KCNK1: variants seen among roughly 807,000 people sequenced by gnomAD.
KCNK1 encodes the protein potassium channel subfamily K member 1.
In KCNK1, 10 loss-of-function variants were observed where a neutral mutation model predicts 22.2. That is an observed-to-expected ratio of 0.45 (90% CI 0.28 to 0.76). The LOEUF (loss-of-function observed/expected upper bound fraction) is 0.76. Among genes scored for constraint, KCNK1 ranks in the 30% least tolerant of loss-of-function variants. The pLI, the probability that KCNK1 is intolerant of heterozygous loss-of-function variation, is 0.14. For missense variants in KCNK1, 378 were observed against 421.0 expected (o/e 0.90, Z 0.89); for synonymous variants, 200 against 186.4 (o/e 1.07, Z -0.60).
intron 1 of KCNK1, among the ~76,000 whole-genome samples, chr1:233,655,045 G>A (rs1159698622): frequency 5.3e-5 from 8 of 152,164 alleles, no homozygotes; most frequent in Non-Finnish European, 1.2e-4. Flanking sequence ...AGCTCTTGGA[G>A]CCACAAGGGC....
intron 1 of KCNK1, among the ~76,000 whole-genome samples, chr1:233,638,244 T>G (rs182446641): frequency 6.6e-6 from 1 of 152,182 alleles, no homozygotes; most frequent in Admixed American, 6.5e-5. Flanking sequence ...CCCTGGACAG[T>G]GAGCCCACCT....
intron 1 of KCNK1, among the ~76,000 whole-genome samples, chr1:233,620,141 T>C (rs1009294924): frequency 6.6e-6 from 1 of 152,200 alleles, no homozygotes; most frequent in African/African-American, 2.4e-5. Flanking sequence ...ATAAACACAG[T>C]TTTATTGGTG....
At chr1:233,625,109 A>G (rs1023293874) in intron 1 of KCNK1, among the ~76,000 whole-genome samples, 1 of 152,234 alleles carries the variant, frequency 6.6e-6, no homozygotes, top group African/African-American at 2.4e-5. Flanking sequence ...CCAAAAACAC[A>G]GGGGAAACCA....
chr1:233,671,638 A>T lies in KCNK1; in HGVS notation c.*108A>T, dbSNP rs1033766436. ...GCAAAAGCGAAAATTATGTCACTTT[A>T]AGAAATAGCTACTGTTTGCAATGTC... is the stretch of plus-strand genomic sequence containing the variant. On this transcript the variant is annotated 3_prime_UTR_variant, in exon 3 of 3. Transcript: ENST00000366621. 4.7e-6 allele frequency: 6 copies of T among 1,266,030 alleles called. No individual in the cohort carries two copies. Among genetic ancestry groups the T allele is most frequent in the Non-Finnish European group, 6.6e-6 (6 of 905,222 alleles). The allele number at this position is 1,266,030 out of a possible 1,614,324, so 78.4% of individuals were successfully genotyped here.
chr1:233,647,236 G>A (rs1295316921), intron 1 of KCNK1, among the ~76,000 whole-genome samples: 9 of 152,138 alleles, frequency 5.9e-5, no homozygotes, highest in Admixed American at 5.9e-4. Context: ...TATTTTCCTG[G>A]GTATGTGTGA....
intron 1 of KCNK1, among the ~76,000 whole-genome samples, chr1:233,656,108 G>A (rs1252012750): frequency 6.6e-6 from 1 of 152,188 alleles, no homozygotes; most frequent in Non-Finnish European, 1.5e-5. Flanking sequence ...ATTCAAATGG[G>A]TTACAGGATT....
chr1:233,616,790 A>C (rs72762233), intron 1 of KCNK1, among the ~76,000 whole-genome samples: 1,537 of 152,342 alleles, frequency 0.01, 16 homozygotes, highest in Middle Eastern at 0.027. Flanking sequence ...AAAGTCTTCA[A>C]ATTATCATAG....
chr1:233,652,832 C>T (rs1000627807), intron 1 of KCNK1, among the ~76,000 whole-genome samples: 8 of 152,208 alleles, frequency 5.3e-5, no homozygotes, highest in Admixed American at 5.2e-4. Flanking sequence ...GGTGGACATG[C>T]CTTTGCAGAG....
At chr1:233,617,236 C>G (rs1657502933) in intron 1 of KCNK1, among the ~76,000 whole-genome samples, 1 of 152,160 alleles carries the variant, frequency 6.6e-6, no homozygotes, top group Non-Finnish European at 1.5e-5. Context: ...TCAGAATCTT[C>G]TCACCCCAGA....
chr1:233,628,760 A>AAAT lies in KCNK1; in HGVS notation c.355+14255_355+14257dup, dbSNP rs58722587. Among the ~76,000 whole-genome samples the AAAT allele has an allele frequency of 0.019, 2,821 of 148,752 alleles. 117 individuals carry two copies. The East Asian group carries it at 0.2, about 11-fold the overall frequency. ...GGGCAACAGAGCAAGACTCTGTCTCAAATAATAATAATAATAATAATAAAT... is the reference window on the plus strand; with the variant it reads ...GGGCAACAGAGCAAGACTCTGTCTCAAATAATAATAATAATAATAATAATAAAT... On this transcript the variant is annotated intron_variant, in intron 1 of 2. Transcript: ENST00000366621.
chr1:233,627,475 T>G (rs931560939), intron 1 of KCNK1, among the ~76,000 whole-genome samples: 1 of 142,302 alleles, frequency 7.0e-6, no homozygotes, highest in Non-Finnish European at 1.6e-5. Context: ...TCAGACTGAC[T>G]CAGAAATTCT....
At chr1:233,637,981 C>A (rs755082742) in intron 1 of KCNK1, among the ~76,000 whole-genome samples, 1 of 136,658 alleles carries the variant, frequency 7.3e-6, no homozygotes, top group Admixed American at 8.0e-5. Flanking sequence ...TTGACAATGT[C>A]GTGGGCTGTG....
intron 1 of KCNK1, among the ~76,000 whole-genome samples, chr1:233,615,014 A>G (rs1006977568): frequency 6.6e-6 from 1 of 152,188 alleles, no homozygotes; most frequent in Non-Finnish European, 1.5e-5. Context: ...GTCTGGTAAT[A>G]ATACCTTCTA....
At chr1:233,662,865 T>C (rs1658424169) in intron 1 of KCNK1, among the ~76,000 whole-genome samples, 1 of 152,184 alleles carries the variant, frequency 6.6e-6, no homozygotes, top group Admixed American at 6.5e-5. Flanking sequence ...AAAAATTATG[T>C]GATGACTGGC....
intron 1 of KCNK1, among the ~76,000 whole-genome samples, chr1:233,638,444 T>G (rs1657942844): frequency 6.6e-6 from 1 of 151,218 alleles, no homozygotes; most frequent in South Asian, 2.1e-4. Flanking sequence ...AGAATGAAAT[T>G]GTCAACTCAA....
intron 1 of KCNK1, among the ~76,000 whole-genome samples, chr1:233,625,343 T>A (rs1657670771): frequency 1.3e-5 from 2 of 152,200 alleles, no homozygotes; most frequent in Non-Finnish European, 2.9e-5. Context: ...ACAAGATGGG[T>A]CATATAATTT....
intron 1 of KCNK1, among the ~76,000 whole-genome samples, chr1:233,663,437 A>G (rs897088131): frequency 6.6e-6 from 1 of 152,250 alleles, no homozygotes; most frequent in African/African-American, 2.4e-5. Context: ...GAAAAGAGCT[A>G]TCATAATTTG....
intron 1 of KCNK1, among the ~76,000 whole-genome samples, chr1:233,628,846 G>A (rs1657740682): frequency 6.6e-6 from 1 of 152,116 alleles, no homozygotes; most frequent in Non-Finnish European, 1.5e-5. Flanking sequence ...TAGGGAAAAT[G>A]TTTATGTTCA....
chr1:233,669,890 A>T (rs1273610815), intron 2 of KCNK1, among the ~76,000 whole-genome samples: 1 of 152,204 alleles, frequency 6.6e-6, no homozygotes. Context: ...AGGAGAGCAC[A>T]CTGAATGCAC....
Sources: allele counts gnomAD v4.1 joint callset (sites outside exome capture counted in the v4.1 genomes callset), GRCh38; gene constraint gnomAD v4.1.1; transcripts MANE v1.5; gene names NCBI Gene and HGNC (gene_info 2026-07-23, HGNC 2026-07-21).